MTMR10: variants seen among roughly 807,000 people sequenced by gnomAD.
MTMR10 encodes myotubularin related protein 10, also known as myotubularin-related protein 10.
In MTMR10, 56 loss-of-function variants were observed where a neutral mutation model predicts 88.1. That is an observed-to-expected ratio of 0.64 (90% confidence interval 0.51 to 0.79). The LOEUF is 0.79. MTMR10 is among the 30% of genes least tolerant of loss of function. The pLI is 0.00. For missense variants in MTMR10, 883 were observed against 924.7 expected (o/e 0.95, Z 0.58); for synonymous variants, 380 against 340.9 (o/e 1.11, Z -1.26).
chr15:30,984,541 AC>A (rs2030812144), intron 2 of MTMR10, among the ~76,000 whole-genome samples: 1 of 152,216 alleles, frequency 6.6e-6, no homozygotes, highest in African/African-American at 2.4e-5. Context: ...GGAATTAACA[AC>A]CCAACTGAGG....
chr15:30,940,701 TC>T lies in MTMR10; in HGVS notation c.*768del. On this transcript the variant is annotated 3_prime_UTR_variant, in exon 16 of 16. Coordinates refer to ENST00000435680, the MANE Select transcript of MTMR10 (RefSeq NM_017762.3). ...TTCAGAGGAACAAGACTCTGGGGAC[TC>T]CTGGCTATGAAGCTTAGTATGAAAA... is the stretch of plus-strand genomic sequence containing the variant. 1 of 988,342 alleles carries T rather than the reference TC, an allele frequency of 1.0e-6. No homozygotes were observed. 61.2% of individuals were successfully genotyped at this position (988,342 alleles called of 1,614,324 possible). A position where few individuals can be genotyped will look rare whatever the true frequency, so the allele number is the denominator to read the frequency against.
the MTMR10 span, among the ~76,000 whole-genome samples, chr15:30,921,413 T>C: frequency 2.6e-5 from 4 of 152,180 alleles, no homozygotes; most frequent in East Asian, 1.9e-4. Context: ...AATCAGAAAT[T>C]TGTCGTATCC....
At chr15:30,963,592 G>T (rs533145665) in intron 6 of MTMR10, among the ~76,000 whole-genome samples, 1 of 152,092 alleles carries the variant, frequency 6.6e-6, no homozygotes, top group African/African-American at 2.4e-5. Flanking sequence ...AGCCGAGATC[G>T]TACCAGTGCA....
chr15:30,929,831 T>TC, the MTMR10 span, among the ~76,000 whole-genome samples: 24 of 77,666 alleles, frequency 3.1e-4, 2 homozygotes, highest in African/African-American at 1.6e-3. Flanking sequence ...ATATCATATA[T>TC]AATATAATAT....
At chr15:30,982,129 C>T (rs915532032) in intron 2 of MTMR10, among the ~76,000 whole-genome samples, 3 of 151,144 alleles carry the variant, frequency 2.0e-5, no homozygotes, top group African/African-American at 4.9e-5. Flanking sequence ...GAAAAAAACA[C>T]GTCAAGGTCT....
In MTMR10 at chr15:30,940,428, T is replaced by A. The variant is rs575613530; in HGVS notation, c.*1042A>T. On this transcript the variant is annotated 3_prime_UTR_variant, in exon 16 of 16. Coordinates refer to ENST00000435680, the MANE Select transcript of MTMR10 (RefSeq NM_017762.3). ...ATCCATTTTTTTATTTCTCCTCTAT[T>A]CCTAAGCATTAGGAACTATGAGAGA... 4,402 of 985,448 alleles carry A rather than the reference T, an allele frequency of 4.5e-3. 12 individuals are homozygous for A. Among genetic ancestry groups the A allele is most frequent in the Middle Eastern group, 0.015 (29 of 1,914 alleles). The allele number at this position is 985,448 out of a possible 1,614,324, so 61.0% of individuals were successfully genotyped here. A position where few individuals can be genotyped will look rare whatever the true frequency, so the allele number is the denominator to read the frequency against.
chr15:30,952,127 C>G, intron 11 of MTMR10, 89 bp from the exon 12 acceptor site: 1 of 1,090,624 alleles, frequency 9.2e-7, no homozygotes, highest in Non-Finnish European at 1.4e-6. Context: ...TCTAATTTCT[C>G]ACTTTACAGA....
chr15:30,954,075 C>G (rs1183967798), intron 10 of MTMR10, among the ~76,000 whole-genome samples: 1 of 152,222 alleles, frequency 6.6e-6, no homozygotes, highest in Non-Finnish European at 1.5e-5. Flanking sequence ...TGGCCGAGGG[C>G]TAGCCACTGC....
chr15:30,951,970 T>G lies in MTMR10; in HGVS notation c.1205A>C (p.Gln402Pro). ...LESKHLSVVLQEEEGRDLSCC... is the reference protein window; with the variant it reads ...LESKHLSVVLPEEEGRDLSCC... ...CTTTCAGGAGTTACTTTAGTTACCTTGTAGGACTACAGAGAGATGTTTGCT... is the reference window on the plus strand; with the variant it reads ...CTTTCAGGAGTTACTTTAGTTACCTGGTAGGACTACAGAGAGATGTTTGCT... Residue 402 changes from glutamine to proline, a missense_variant and splice_region_variant, in exon 12 of 16, where the codon CAA (glutamine) becomes CCA (proline). By Grantham distance (76) the Gln-to-Pro change is moderately conservative (BLOSUM62 -1). Coordinates refer to ENST00000435680, the MANE Select transcript of MTMR10 (RefSeq NM_017762.3). 3 of 1,612,832 alleles carry G rather than the reference T, an allele frequency of 1.9e-6. No homozygotes were observed. Among genetic ancestry groups the G allele is most frequent in the Non-Finnish European group, 2.5e-6 (3 of 1,178,810 alleles).
intron 5 of MTMR10, among the ~76,000 whole-genome samples, chr15:30,970,875 A>C (rs1248505584): frequency 2.0e-5 from 3 of 152,206 alleles, no homozygotes. Flanking sequence ...TAAAACTGCA[A>C]GTCAGTTGAA....
intron 14 of MTMR10, chr15:30,946,773 T>C (rs2063177019): frequency 1.4e-6 from 1 of 702,448 alleles, no homozygotes; most frequent in African/African-American, 1.7e-5. Flanking sequence ...CTTTTTATCC[T>C]ACTGACCTAG....
the MTMR10 span, among the ~76,000 whole-genome samples, chr15:30,922,681 G>C: frequency 1.3e-5 from 2 of 152,238 alleles, no homozygotes; most frequent in Non-Finnish European, 2.9e-5. Context: ...AAGTCAGCAA[G>C]TGCCTTCAAG....
intron 11 of MTMR10, 120 bp downstream of exon 11, chr15:30,953,442 T>G: frequency 1.4e-6 from 1 of 711,006 alleles, no homozygotes; most frequent in Non-Finnish European, 2.4e-6. Flanking sequence ...GATGTTACTA[T>G]TGGGGGAAGT....
At position 30,955,064 on chromosome 15, in the gene MTMR10, A is replaced by G. The variant is rs1463991314; in HGVS notation, c.936-171T>C. ...AGAACCATTGCTTATCTTATTTTTTAGTTTTAGAGACTATTCCATCAGGTT... is the reference window on the plus strand; with the variant it reads ...AGAACCATTGCTTATCTTATTTTTTGGTTTTAGAGACTATTCCATCAGGTT... On this transcript the variant is annotated intron_variant, in intron 9 of 15. Transcript: ENST00000435680. 2.7e-5 allele frequency among the ~76,000 whole-genome samples: 4 copies of G among 150,384 alleles called. No homozygotes were observed. The East Asian group carries it at 5.9e-4, about 22-fold the overall frequency.
intron 6 of MTMR10, among the ~76,000 whole-genome samples, chr15:30,963,674 T>TAGACAGACAGAC (rs2063436900): frequency 2.7e-5 from 4 of 148,260 alleles, no homozygotes; most frequent in Admixed American, 6.6e-5. Flanking sequence ...GACAGACAGA[T>TAGACAGACAGAC]AGATAGATAG....
intron 2 of MTMR10, among the ~76,000 whole-genome samples, chr15:30,988,616 C>A (rs1264039345): frequency 6.6e-6 from 1 of 152,138 alleles, no homozygotes; most frequent in East Asian, 1.9e-4. Context: ...AATTGATAAC[C>A]CTCAGTGAGA....
At chr15:30,932,716 C>CTTTTTTT in the MTMR10 span, among the ~76,000 whole-genome samples, 11 of 134,358 alleles carry the variant, frequency 8.2e-5, no homozygotes, top group East Asian at 2.1e-4. Flanking sequence ...TGTTTCTTTT[C>CTTTTTTT]TTTTTTTTTT....
At position 30,990,767 on chromosome 15, in the gene MTMR10, T is replaced by G; in HGVS notation, c.121+10A>C. The G allele has an allele frequency of 6.2e-7, 1 of 1,606,380 alleles. No homozygotes were observed. The highest frequency in any genetic ancestry group is 8.5e-7 in the Non-Finnish European group (1 of 1,175,580). ...CTAAAGTATCTGTTAGAATCCTAAC[T>G]AATGTTTACCTGGCAAAAGGACTGG... On this transcript the variant is annotated intron_variant, in intron 2 of 15. Transcript: ENST00000435680.
chr15:30,988,594 G>C (rs1210117881), intron 2 of MTMR10, among the ~76,000 whole-genome samples: 1 of 152,166 alleles, frequency 6.6e-6, no homozygotes, highest in Non-Finnish European at 1.5e-5. Context: ...CTGACTTTTA[G>C]CCATTTTATA....
Sources: gnomAD v4.1 joint callset for allele counts (sites outside exome capture counted in the v4.1 genomes callset) on GRCh38, gnomAD v4.1.1 for gene constraint, MANE v1.5 for transcripts, NCBI Gene and HGNC (gene_info 2026-07-23, HGNC 2026-07-21) for gene names.